The following ZC3H7A variants were observed in gnomAD, a reference collection of about 807,000 sequenced individuals.
The protein encoded by ZC3H7A is zinc finger CCCH domain-containing protein 7A.
In ZC3H7A, 44 loss-of-function variants were observed where a neutral mutation model predicts 125.5. The observed-to-expected ratio is 0.35, with a 90% CI of 0.28 to 0.45. ZC3H7A has a LOEUF of 0.45. Ranked by LOEUF, ZC3H7A falls within the 20% of genes least tolerant of loss-of-function variation. The pLI, the probability that ZC3H7A is intolerant of heterozygous loss-of-function variation, is 1.00. For synonymous variants in ZC3H7A, 399 were observed against 391.2 expected (o/e 1.02, Z -0.23); for missense variants, 977 against 1,170.7 (o/e 0.83, Z 2.41).
At chr16:11,794,579 T>C (rs1250698084) in intron 1 of ZC3H7A, among the ~76,000 whole-genome samples, 2 of 152,204 alleles carry the variant, frequency 1.3e-5, no homozygotes, top group Non-Finnish European at 2.9e-5. Flanking sequence ...TTCCAGACGT[T>C]ATCCAGAAGA....
intron 12 of ZC3H7A, 151 bp downstream of exon 12, chr16:11,768,164 C>A (rs770397514): frequency 5.2e-5 from 35 of 676,728 alleles, no homozygotes; most frequent in Middle Eastern, 5.7e-4. Context: ...GGCACTAAAT[C>A]AGTAACTGCT....
chr16:11,772,493 T>C (rs2053002706), intron 9 of ZC3H7A, among the ~76,000 whole-genome samples: 1 of 151,742 alleles, frequency 6.6e-6, no homozygotes, highest in Non-Finnish European at 1.5e-5. Flanking sequence ...ATCATACAGA[T>C]GAGGAAAATG....
Position 11,751,167 on chromosome 16 carries a change from T to A in ZC3H7A, c.*150A>T, listed in dbSNP as rs547820876. The A allele has an allele frequency of 4.7e-4, 372 of 790,452 alleles. 5 individuals carry two copies. In the South Asian group the frequency reaches 7.1e-3, roughly 15 times the overall value. 49.0% of individuals were successfully genotyped at this position (790,452 alleles called of 1,614,324 possible). ...GTGGCCAGGCCTGTGAAACAGCCCA[T>A]TTTCCTACCTACTGTGGGTTGCTGC... On this transcript the variant is annotated 3_prime_UTR_variant, in exon 23 of 23. Coordinates refer to ENST00000355758, the MANE Select transcript of ZC3H7A (RefSeq NM_014153.4).
At chr16:11,776,192 G>T in intron 7 of ZC3H7A, 128 bp downstream of exon 7, 1 of 869,420 alleles carries the variant, frequency 1.2e-6, no homozygotes, top group Non-Finnish European at 1.8e-6. Flanking sequence ...GGAGGGTATT[G>T]CCAATTACGT....
At chr16:11,773,760 G>A (rs2053028467) in intron 9 of ZC3H7A, among the ~76,000 whole-genome samples, 1 of 151,706 alleles carries the variant, frequency 6.6e-6, no homozygotes, top group Non-Finnish European at 1.5e-5. Flanking sequence ...GCGGGCGCCT[G>A]TAGTCCCAGC....
intron 1 of ZC3H7A, among the ~76,000 whole-genome samples, chr16:11,787,448 T>TTG (rs146283642): frequency 6.6e-6 from 1 of 152,000 alleles, no homozygotes; most frequent in African/African-American, 2.4e-5. Flanking sequence ...ACACACCCCT[T>TTG]TGTGTGTGTG....
rs1390068039 is a variant in ZC3H7A, at chr16:11,781,476, A to G, written c.69-12T>C. The G allele has an allele frequency of 1.1e-5, 17 of 1,601,726 alleles. No homozygotes were observed. In the South Asian group the frequency reaches 1.7e-4, roughly 16 times the overall value. On this transcript the variant is annotated splice_polypyrimidine_tract_variant and intron_variant, in intron 2 of 22. Coordinates refer to ENST00000355758, the MANE Select transcript of ZC3H7A (RefSeq NM_014153.4). ...ATGACAGCGGTGACCTAAGAAGAAGAAACAAATTAACTGTAATTATCAAGC... is the reference window on the plus strand; with the variant it reads ...ATGACAGCGGTGACCTAAGAAGAAGGAACAAATTAACTGTAATTATCAAGC...
chr16:11,770,285 A>G (rs1026790956), intron 10 of ZC3H7A, among the ~76,000 whole-genome samples: 1 of 152,216 alleles, frequency 6.6e-6, no homozygotes, highest in Non-Finnish European at 1.5e-5. Context: ...TGACAGAAAC[A>G]GGAGTCAGAC....
At chr16:11,766,383 G>A (rs945502037) in intron 13 of ZC3H7A, among the ~76,000 whole-genome samples, 2 of 152,116 alleles carry the variant, frequency 1.3e-5, no homozygotes, top group East Asian at 3.9e-4. Context: ...TAACCAACAT[G>A]AAGAAACCCA....
intron 3 of ZC3H7A, among the ~76,000 whole-genome samples, chr16:11,781,117 T>C (rs1357055630): frequency 4.6e-5 from 7 of 152,098 alleles, no homozygotes; most frequent in Non-Finnish European, 1.0e-4. Flanking sequence ...AAAAGTCCTA[T>C]ATAGAAGGGG....
intron 1 of ZC3H7A, among the ~76,000 whole-genome samples, chr16:11,794,024 C>T (rs1174784236): frequency 6.6e-6 from 1 of 152,202 alleles, no homozygotes; most frequent in Non-Finnish European, 1.5e-5. Flanking sequence ...CAAGAGCCTC[C>T]CTCGGCACCC....
chr16:11,762,084 A>C (rs753363789), intron 17 of ZC3H7A, 41 bp from the exon 18 acceptor site: 4 of 1,532,244 alleles, frequency 2.6e-6, no homozygotes, highest in Non-Finnish European at 3.5e-6. Flanking sequence ...TTTTAACAGA[A>C]AACCAGTTTT....
intron 8 of ZC3H7A, 36 bp downstream of exon 8, chr16:11,774,944 C>A: frequency 6.2e-7 from 1 of 1,609,872 alleles, no homozygotes; most frequent in Non-Finnish European, 8.5e-7. Context: ...AAAGCTGGCA[C>A]TATTCAAATT....
chr16:11,791,041 C>T (rs1419110222), intron 1 of ZC3H7A, among the ~76,000 whole-genome samples: 1 of 151,444 alleles, frequency 6.6e-6, no homozygotes, highest in Non-Finnish European at 1.5e-5. Flanking sequence ...CACTGCACTC[C>T]AGCCTGGGGT....
chr16:11,766,361 T>TAG (rs1457440773), intron 13 of ZC3H7A, among the ~76,000 whole-genome samples: 1 of 152,136 alleles, frequency 6.6e-6, no homozygotes, highest in Non-Finnish European at 1.5e-5. Context: ...GGCCAGGACT[T>TAG]CAAAACGAGC....
chr16:11,771,255 G>A (rs1368748458), intron 9 of ZC3H7A, among the ~76,000 whole-genome samples: 4 of 152,002 alleles, frequency 2.6e-5, no homozygotes, highest in African/African-American at 7.2e-5. Context: ...GTGCATGGTG[G>A]CATGCGCCTG....
intron 9 of ZC3H7A, 132 bp downstream of exon 9, chr16:11,774,104 G>A: frequency 2.3e-6 from 2 of 864,416 alleles, no homozygotes; most frequent in Non-Finnish European, 1.6e-6. Context: ...AAGAAAAAAA[G>A]TAACTTTCAA....
intron 22 of ZC3H7A, 125 bp downstream of exon 22, chr16:11,752,544 T>C: frequency 8.2e-7 from 1 of 1,220,122 alleles, no homozygotes; most frequent in Non-Finnish European, 1.1e-6. Context: ...CAAGAATCCT[T>C]CAGGGTCTGT....
At chr16:11,778,679 C>T (rs928156939) in intron 4 of ZC3H7A, among the ~76,000 whole-genome samples, 31 of 151,932 alleles carry the variant, frequency 2.0e-4, no homozygotes, top group Admixed American at 7.9e-4. Context: ...TTCTTAAATC[C>T]CTAACCTTCT....
Sources: allele counts gnomAD v4.1 joint callset (sites outside exome capture counted in the v4.1 genomes callset), GRCh38; gene constraint gnomAD v4.1.1; transcripts MANE v1.5; gene names NCBI Gene and HGNC (gene_info 2026-07-23, HGNC 2026-07-21).